Variants in CFDP1 observed in about 807,000 individuals in gnomAD.
CFDP1 encodes chromatin remodeling protein CFDP1.
In CFDP1, 31 loss-of-function variants were observed where a neutral mutation model predicts 40.1. The ratio of observed to expected loss-of-function variants is 0.77; its 90% CI spans 0.58 to 1.04. The LOEUF is 1.04. Ranked by LOEUF, CFDP1 falls within the 50% of genes least tolerant of loss-of-function variation. The probability of loss-of-function intolerance (pLI) is 0.00; values close to 1 mark genes in which losing one functional copy is unlikely to be tolerated. For synonymous variants in CFDP1, 167 were observed against 120.0 expected (o/e 1.39, Z -2.56); for missense variants, 423 against 343.4 (o/e 1.23, Z -1.83).
chr16:75,395,205 T>A lies in CFDP1; in HGVS notation c.535A>T (p.Thr179Ser). 1 of 1,613,258 alleles carries A rather than the reference T, an allele frequency of 6.2e-7. No individual in the cohort carries two copies. Among genetic ancestry groups the A allele is most frequent in the East Asian group, 2.2e-5 (1 of 44,834 alleles). Residue 179 changes from threonine (T) to serine (S), a missense_variant, in exon 5 of 7, where the codon ACT becomes TCT. By Grantham distance (58) the Thr-to-Ser change is moderately conservative. Coordinates refer to ENST00000283882, the MANE Select transcript of CFDP1 (RefSeq NM_006324.3). Reference sequence around the variant, plus strand: ...TTAGATGTAGCATCCACTTCCTTAGTTACCCTGTGCCAAGGAAAAAGACAT... The same window carrying A: ...TTAGATGTAGCATCCACTTCCTTAGATACCCTGTGCCAAGGAAAAAGACAT... ...FDFAGEEVRV[T>S]KEVDATSKEA...
At chr16:75,297,364 C>A (rs964354881) in intron 6 of CFDP1, among the ~76,000 whole-genome samples, 5 of 152,178 alleles carry the variant, frequency 3.3e-5, no homozygotes, top group African/African-American at 1.2e-4. Flanking sequence ...TACAGAACCT[C>A]AAAACCCAGG....
chr16:75,397,755 G>A (rs1393661356), intron 4 of CFDP1, among the ~76,000 whole-genome samples: 8 of 151,484 alleles, frequency 5.3e-5, no homozygotes, highest in East Asian at 3.9e-4. Context: ...GCAGTCAGCC[G>A]AGATCCCGCC....
chr16:75,335,643 G>A (rs2078482287), intron 5 of CFDP1, among the ~76,000 whole-genome samples: 1 of 146,430 alleles, frequency 6.8e-6, no homozygotes, highest in Non-Finnish European at 1.5e-5. Context: ...TGCAAGCTCC[G>A]CCTCCCGGGT....
intron 5 of CFDP1, among the ~76,000 whole-genome samples, chr16:75,364,482 T>G (rs2078700585): frequency 6.6e-6 from 1 of 152,162 alleles, no homozygotes; most frequent in Non-Finnish European, 1.5e-5. Flanking sequence ...ACGAAGACAT[T>G]ATTTGCCTTC....
chr16:75,368,831 C>T (rs534359400), intron 5 of CFDP1, among the ~76,000 whole-genome samples: 14 of 152,092 alleles, frequency 9.2e-5, no homozygotes, highest in African/African-American at 2.9e-4. Flanking sequence ...GATGGAGTTT[C>T]GCCATGTGCC....
intron 6 of CFDP1, among the ~76,000 whole-genome samples, chr16:75,302,769 G>A (rs1200562145): frequency 6.6e-6 from 1 of 152,208 alleles, no homozygotes; most frequent in African/African-American, 2.4e-5. Context: ...TACCACTCGT[G>A]AAGAGACAAC....
At chr16:75,405,053 G>A (rs1468901043) in intron 4 of CFDP1, among the ~76,000 whole-genome samples, 2 of 152,180 alleles carry the variant, frequency 1.3e-5, no homozygotes, top group Non-Finnish European at 2.9e-5. Flanking sequence ...GAAATTGTGA[G>A]TATTTAGAAA....
At chr16:75,318,849 C>T (rs1487614700) in intron 5 of CFDP1, among the ~76,000 whole-genome samples, 1 of 152,144 alleles carries the variant, frequency 6.6e-6, no homozygotes, top group Non-Finnish European at 1.5e-5. Context: ...CAGGTTGAGA[C>T]TAGGCTAAAG....
intron 1 of CFDP1, among the ~76,000 whole-genome samples, chr16:75,418,732 T>TAAA (rs35716697): frequency 3.8e-5 from 5 of 130,644 alleles, no homozygotes; most frequent in Admixed American, 1.5e-4. Context: ...AAAGGCTCCC[T>TAAA]AAAAAAAAAA....
chr16:75,373,682 G>A (rs1003769720), intron 5 of CFDP1, among the ~76,000 whole-genome samples: 10 of 151,976 alleles, frequency 6.6e-5, no homozygotes, highest in South Asian at 2.1e-4. Context: ...TGGTATGAAC[G>A]GGGTCTCCCT....
At chr16:75,375,217 A>G (rs2078783325) in intron 5 of CFDP1, among the ~76,000 whole-genome samples, 1 of 152,196 alleles carries the variant, frequency 6.6e-6, no homozygotes, top group Non-Finnish European at 1.5e-5. Flanking sequence ...GACGAACTGA[A>G]TATCAAAATT....
chr16:75,351,871 G>A (rs1450278996), intron 5 of CFDP1, among the ~76,000 whole-genome samples: 2 of 151,476 alleles, frequency 1.3e-5, no homozygotes, highest in Non-Finnish European at 2.9e-5. Flanking sequence ...AGCCAGGTGT[G>A]GTGGCACACG....
chr16:75,334,186 C>T (rs2151516679), intron 5 of CFDP1, among the ~76,000 whole-genome samples: 1 of 151,190 alleles, frequency 6.6e-6, no homozygotes, highest in Middle Eastern at 3.4e-3. Context: ...CTTGACTTGC[C>T]TCCTCCTCGC....
intron 6 of CFDP1, among the ~76,000 whole-genome samples, chr16:75,297,088 T>C (rs980145473): frequency 6.6e-6 from 1 of 151,600 alleles, no homozygotes; most frequent in African/African-American, 2.4e-5. Context: ...TTGTATACAA[T>C]AAAACAAAAA....
At chr16:75,306,615 G>A (rs2078258732) in intron 5 of CFDP1, 1 of 152,206 alleles carries the variant, frequency 6.6e-6, no homozygotes, top group Non-Finnish European at 1.5e-5. Context: ...AAAGTTCAGA[G>A]AGGTTAAATG....
intron 5 of CFDP1, among the ~76,000 whole-genome samples, chr16:75,365,298 G>A (rs538492696): frequency 4.1e-4 from 63 of 152,268 alleles, no homozygotes; most frequent in Non-Finnish European, 3.1e-4. Flanking sequence ...CCCTCCCTCA[G>A]ACAGATAACA....
chr16:75,368,229 G>T (rs1344629106), intron 5 of CFDP1, among the ~76,000 whole-genome samples: 1 of 152,144 alleles, frequency 6.6e-6, no homozygotes, highest in Non-Finnish European at 1.5e-5. Flanking sequence ...CTAAATACTG[G>T]ATATCAAGAA....
chr16:75,419,038 G>A (rs779888271), intron 1 of CFDP1: 5 of 407,758 alleles, frequency 1.2e-5, no homozygotes, highest in South Asian at 8.7e-5. Flanking sequence ...ATCTACTGGG[G>A]AGGCTGAGGC....
At chr16:75,353,842 T>C (rs1409706067) in intron 5 of CFDP1, among the ~76,000 whole-genome samples, 8 of 150,390 alleles carry the variant, frequency 5.3e-5, no homozygotes, top group Admixed American at 2.7e-4. Context: ...GAAATAATGA[T>C]AAAAAATTCC....
Sources: gnomAD v4.1 joint callset for allele counts (sites outside exome capture counted in the v4.1 genomes callset) on GRCh38, gnomAD v4.1.1 for gene constraint, MANE v1.5 for transcripts, NCBI Gene and HGNC (gene_info 2026-07-23, HGNC 2026-07-21) for gene names.